The following LARP1B variants were observed in gnomAD, a reference collection of about 807,000 sequenced individuals.
LARP1B encodes la-related protein 1B.
A neutral mutation model predicts 114.2 loss-of-function variants in LARP1B; 76 were observed. The ratio of observed to expected loss-of-function variants is 0.67; its 90% confidence interval spans 0.55 to 0.81. The LOEUF (loss-of-function observed/expected upper bound fraction) is 0.81, where lower values mean the gene tolerates loss of function less well. Among genes scored for constraint, LARP1B ranks in the 30% least tolerant of loss-of-function variants. The probability of loss-of-function intolerance (pLI) is 0.00; values close to 1 mark genes in which losing one functional copy is unlikely to be tolerated. For missense variants in LARP1B, 1,014 were observed against 1,075.8 expected (o/e 0.94, Z 0.80); for synonymous variants, 345 against 348.0 (o/e 0.99, Z 0.10).
chr4:128,083,421 A>G (rs1771481446), intron 5 of LARP1B, among the ~76,000 whole-genome samples: 1 of 148,524 alleles, frequency 6.7e-6, no homozygotes, highest in African/African-American at 2.5e-5. Context: ...CACCTCCCGG[A>G]CGGGGCGGCT....
At chr4:128,159,408 C>A (rs952527324) in intron 11 of LARP1B, among the ~76,000 whole-genome samples, 1 of 152,116 alleles carries the variant, frequency 6.6e-6, no homozygotes, top group Non-Finnish European at 1.5e-5. Context: ...ATCCCTAACC[C>A]CTGGCAACCA....
intron 12 of LARP1B, among the ~76,000 whole-genome samples, chr4:128,166,970 C>CTCTCTATATA (rs1189451874): frequency 2.6e-5 from 2 of 77,806 alleles, no homozygotes; most frequent in African/African-American, 1.1e-4. Context: ...CTCTCTCTCT[C>CTCTCTATATA]TATATATATA....
At chr4:128,069,831 C>G (rs974934304) in intron 1 of LARP1B, among the ~76,000 whole-genome samples, 3 of 151,654 alleles carry the variant, frequency 2.0e-5, no homozygotes, top group Non-Finnish European at 4.4e-5. Context: ...TTTCTCGAAC[C>G]CTATGTTCAT....
intron 9 of LARP1B, chr4:128,108,454 G>T (rs1020006267): frequency 1.0e-6 from 1 of 985,548 alleles, no homozygotes; most frequent in Non-Finnish European, 1.2e-6. Flanking sequence ...ACTGGATGAG[G>T]TTATTTCTTC....
At chr4:128,166,041 C>G (rs1421848513) in intron 12 of LARP1B, among the ~76,000 whole-genome samples, 1 of 152,034 alleles carries the variant, frequency 6.6e-6, no homozygotes, top group Non-Finnish European at 1.5e-5. Flanking sequence ...AGACCTCCAT[C>G]CTGTATTTCA....
chr4:128,200,436 C>G, intron 16 of LARP1B, 85 bp from the exon 17 acceptor site: 2 of 901,188 alleles, frequency 2.2e-6, no homozygotes, highest in Middle Eastern at 3.7e-4. Context: ...TATGGTTGAG[C>G]TTTCTTCATT....
At position 128,206,426 on chromosome 4, in the gene LARP1B, AG is replaced by A; in HGVS notation, c.2310del. On this transcript the variant is annotated splice_acceptor_variant, in intron 17 of 19. Coordinates refer to ENST00000326639, the MANE Select transcript of LARP1B (RefSeq NM_018078.4). LOFTEE classifies it high-confidence loss of function. ...TATAAACCTTTTATTTTCTCTTTAT[AG>A]GTATGGGTTAGAATGTCTGTTCAGG... 1 of 1,546,566 alleles carries A rather than the reference AG, an allele frequency of 6.5e-7. No individual in the cohort carries two copies. The highest frequency in any genetic ancestry group is 1.9e-5 in the Admixed American group (1 of 52,094).
chr4:128,122,180 G>T lies in LARP1B; in HGVS notation c.1516G>T (p.Ala506Ser). The change falls in exon 11 of 20, where the codon GCC (alanine) becomes TCC (serine). Residue 506 changes from alanine (A) to serine (S), a missense_variant. Transcript: ENST00000326639. ...WMEEDENKHT[A>S]IKQEVENFKK... ...GGAAGAAGATGAAAACAAACACACA[G>T]CCATAAAGGTAATTGTTTCTGGCCA... 1.2e-6 allele frequency: 2 copies of T among 1,612,946 alleles called. No homozygotes were observed. Among genetic ancestry groups the T allele is most frequent in the Non-Finnish European group, 1.7e-6 (2 of 1,179,144 alleles).
At chr4:128,110,408 T>C (rs1439921051) in intron 9 of LARP1B, among the ~76,000 whole-genome samples, 3 of 151,140 alleles carry the variant, frequency 2.0e-5, no homozygotes, top group African/African-American at 7.3e-5. Context: ...TGAAGTCTTT[T>C]CATTATTAAA....
rs1042932911 is a variant in LARP1B, at chr4:128,176,864, C to T, written c.1649-8C>T. 2.2e-5 allele frequency: 35 copies of T among 1,613,426 alleles called. No individual in the cohort carries two copies. The highest frequency in any genetic ancestry group is 2.7e-5 in the Non-Finnish European group (32 of 1,179,508). ...GCACAAAAAGGGACTAATTAACTCTCTTGGCAGGAGGTGTTCAAGGAGTGC... is the reference window on the plus strand; with the variant it reads ...GCACAAAAAGGGACTAATTAACTCTTTTGGCAGGAGGTGTTCAAGGAGTGC... On this transcript the variant is annotated splice_region_variant and splice_polypyrimidine_tract_variant and intron_variant, in intron 12 of 19. Transcript: ENST00000326639.
At chr4:128,202,302 A>G (rs1324460657) in intron 17 of LARP1B, among the ~76,000 whole-genome samples, 1 of 152,196 alleles carries the variant, frequency 6.6e-6, no homozygotes, top group African/African-American at 2.4e-5. Flanking sequence ...TTTGCTACCT[A>G]TTCGTCAATT....
At chr4:128,065,321 C>T (rs879321873) in intron 1 of LARP1B, among the ~76,000 whole-genome samples, 5,767 of 130,380 alleles carry the variant, frequency 0.044, 295 homozygotes, top group Non-Finnish European at 0.058. Context: ...TTCTTTCTCT[C>T]TCTCTCTCTC....
At chr4:128,083,298 T>C (rs1261665953) in intron 5 of LARP1B, among the ~76,000 whole-genome samples, 1 of 152,152 alleles carries the variant, frequency 6.6e-6, no homozygotes, top group Non-Finnish European at 1.5e-5. Context: ...AAACCGCCAT[T>C]GTCATCCTGG....
chr4:128,095,350 A>G (rs367941728), intron 7 of LARP1B, among the ~76,000 whole-genome samples: 1 of 151,880 alleles, frequency 6.6e-6, no homozygotes, highest in African/African-American at 2.4e-5. Context: ...TTAGCCGGGC[A>G]TGGTGGCACA....
intron 15 of LARP1B, among the ~76,000 whole-genome samples, chr4:128,180,193 C>T (rs888621954): frequency 6.6e-6 from 1 of 152,104 alleles, no homozygotes; most frequent in African/African-American, 2.4e-5. Flanking sequence ...CTCAAGCAGT[C>T]CTCCTACCTC....
At chr4:128,110,011 C>G (rs943018788) in intron 9 of LARP1B, among the ~76,000 whole-genome samples, 1 of 152,128 alleles carries the variant, frequency 6.6e-6, no homozygotes, top group Admixed American at 6.5e-5. Context: ...TCAAGCAATT[C>G]TCTTGCCTCA....
chr4:128,103,311 T>C (rs990724798), intron 8 of LARP1B, among the ~76,000 whole-genome samples: 8 of 152,058 alleles, frequency 5.3e-5, no homozygotes, highest in African/African-American at 1.9e-4. Flanking sequence ...TATTTCTAAA[T>C]AGGAAATAAA....
chr4:128,145,071 T>C (rs1729735267), intron 11 of LARP1B, among the ~76,000 whole-genome samples: 1 of 152,242 alleles, frequency 6.6e-6, no homozygotes, highest in Non-Finnish European at 1.5e-5. Context: ...CATCTTCCTC[T>C]GAAGGATGTT....
At chr4:128,108,812 C>G in intron 9 of LARP1B, 1 of 984,570 alleles carries the variant, frequency 1.0e-6, no homozygotes, top group Non-Finnish European at 1.2e-6. Context: ...TATACTTTCT[C>G]TGCAGGGTAG....
Sources: allele counts gnomAD v4.1 joint callset (sites outside exome capture counted in the v4.1 genomes callset), GRCh38; gene constraint gnomAD v4.1.1; transcripts MANE v1.5; gene names NCBI Gene and HGNC (gene_info 2026-07-23, HGNC 2026-07-21).